The following ERBB4 variants were observed in gnomAD, a reference collection of about 807,000 sequenced individuals.
ERBB4 encodes the protein erb-b2 receptor tyrosine kinase 4.
A neutral mutation model predicts 158.0 loss-of-function variants in ERBB4; 42 were observed. The observed-to-expected ratio is 0.27, with a 90% confidence interval of 0.21 to 0.34. The LOEUF is 0.34. Among genes scored for constraint, ERBB4 ranks in the 10% least tolerant of loss-of-function variants. The probability of loss-of-function intolerance (pLI) is 1.00; values close to 1 mark genes in which losing one functional copy is unlikely to be tolerated. For missense variants in ERBB4, 1,333 were observed against 1,624.1 expected (o/e 0.82, Z 3.08); for synonymous variants, 583 against 558.7 (o/e 1.04, Z -0.61).
intron 2 of ERBB4, among the ~76,000 whole-genome samples, chr2:212,076,659 T>C (rs1057086186): frequency 2.6e-5 from 4 of 151,680 alleles, no homozygotes; most frequent in African/African-American, 7.3e-5. Flanking sequence ...TAGTTCACAG[T>C]TGGCAGGGTA....
intron 19 of ERBB4, among the ~76,000 whole-genome samples, chr2:211,578,499 A>G (rs1412976275): frequency 6.6e-6 from 1 of 152,228 alleles, no homozygotes; most frequent in Non-Finnish European, 1.5e-5. Context: ...TAGCCAAGAC[A>G]ATCCTAAGCA....
At chr2:211,922,433 T>C (rs1270228215) in intron 3 of ERBB4, among the ~76,000 whole-genome samples, 2 of 152,158 alleles carry the variant, frequency 1.3e-5, no homozygotes, top group South Asian at 2.1e-4. Flanking sequence ...AATTACATTA[T>C]AGTTTATCAA....
In ERBB4 at chr2:211,914,022, T is replaced by G. The variant is rs1333120911; in HGVS notation, c.421+33408A>C. Among the ~76,000 whole-genome samples, 4 of 134,978 alleles carry G rather than the reference T, an allele frequency of 3.0e-5. No homozygotes were observed. In the East Asian group the frequency reaches 8.5e-4, roughly 29 times the overall value. The allele number at this position is 134,978 out of a possible 152,430, so 88.6% of individuals were successfully genotyped here. On this transcript the variant is annotated intron_variant, in intron 3 of 27. Coordinates refer to ENST00000342788, the MANE Select transcript of ERBB4 (RefSeq NM_005235.3). ...AGGACAAGAAATAGAATTTGAGAGC[T>G]GAATGACACAAAAGGTCTTGGAATG... is the stretch of plus-strand genomic sequence containing the variant.
chr2:211,496,150 T>A (rs2065463439), intron 20 of ERBB4, among the ~76,000 whole-genome samples: 1 of 152,086 alleles, frequency 6.6e-6, no homozygotes, highest in African/African-American at 2.4e-5. Context: ...TATCTCTCTA[T>A]CATCCTAATT....
At chr2:212,454,919 C>T (rs1454473383) in intron 1 of ERBB4, among the ~76,000 whole-genome samples, 2 of 151,808 alleles carry the variant, frequency 1.3e-5, no homozygotes, top group South Asian at 2.1e-4. Flanking sequence ...GAGAAATGAC[C>T]GCCACCTCAC....
intron 2 of ERBB4, among the ~76,000 whole-genome samples, chr2:212,083,924 G>A (rs1231245758): frequency 1.9e-4 from 28 of 143,770 alleles, no homozygotes; most frequent in Non-Finnish European, 2.3e-4. Flanking sequence ...TTGTTCACAG[G>A]AAAAAAAAAA....
chr2:212,099,044 G>T (rs1250563915), intron 2 of ERBB4, among the ~76,000 whole-genome samples: 1 of 151,900 alleles, frequency 6.6e-6, no homozygotes, highest in Non-Finnish European at 1.5e-5. Context: ...AGTTTGGGAG[G>T]CTAAGGTGGG....
chr2:212,235,036 A>G lies in ERBB4; in HGVS notation c.83-110133T>C, dbSNP rs564113146. Among the ~76,000 whole-genome samples, 49 of 152,290 alleles carry G rather than the reference A, an allele frequency of 3.2e-4. No individual in the cohort carries two copies. The South Asian group carries it at 7.0e-3, about 22-fold the overall frequency. ...GCCATTGGTGTTTGTTGTTTTAGTC[A>G]TAAAGTCTTTACCCATGCCTATGTC... On this transcript the variant is annotated intron_variant, in intron 1 of 27. Transcript: ENST00000342788.
chr2:212,270,151 T>C (rs554567412), intron 1 of ERBB4, among the ~76,000 whole-genome samples: 2 of 151,910 alleles, frequency 1.3e-5, no homozygotes, highest in South Asian at 4.1e-4. Flanking sequence ...TAATATGCAA[T>C]ATACACTTAA....
rs1443343369 is a variant in ERBB4, at chr2:211,566,724, T to C, written c.2302-4636A>G. 2.0e-5 allele frequency among the ~76,000 whole-genome samples: 3 copies of C among 152,208 alleles called. No homozygotes were observed. In the East Asian group the frequency reaches 5.8e-4, roughly 29 times the overall value. On this transcript the variant is annotated intron_variant, in intron 19 of 27. Transcript: ENST00000342788. The stretch of plus-strand genomic sequence containing the variant: ...CACATACCGACAAATCAGCAAAACA[T>C]CTAATTAGATTAAATCATTAATTTA...
intron 3 of ERBB4, among the ~76,000 whole-genome samples, chr2:211,826,026 G>C (rs762560771): frequency 1.5e-4 from 23 of 151,150 alleles, no homozygotes; most frequent in Non-Finnish European, 3.1e-4. Context: ...AGCTTCCCTA[G>C]AATCAACCTA....
chr2:212,261,211 T>C (rs573458003), intron 1 of ERBB4, among the ~76,000 whole-genome samples: 2 of 152,354 alleles, frequency 1.3e-5, no homozygotes, highest in African/African-American at 4.8e-5. Context: ...ACCAAGATAC[T>C]GTTTGATTAT....
chr2:211,820,222 T>G (rs376094084), intron 3 of ERBB4, among the ~76,000 whole-genome samples: 5 of 151,906 alleles, frequency 3.3e-5, no homozygotes, highest in African/African-American at 1.2e-4. Context: ...TATGCTTGCT[T>G]AACAGCAGCA....
chr2:211,611,514 C>T (rs990112961), intron 19 of ERBB4, among the ~76,000 whole-genome samples: 32 of 147,534 alleles, frequency 2.2e-4, no homozygotes, highest in African/African-American at 8.2e-4. Flanking sequence ...ACACTTGCTG[C>T]TGTGGTTCAC....
intron 2 of ERBB4, among the ~76,000 whole-genome samples, chr2:212,012,373 C>G (rs1246830072): frequency 2.0e-5 from 3 of 150,304 alleles, no homozygotes; most frequent in Admixed American, 6.6e-5. Flanking sequence ...CTGGGCTGGT[C>G]ATTGTTTCTA....
At chr2:211,812,723 T>C (rs989053305) in intron 3 of ERBB4, among the ~76,000 whole-genome samples, 1 of 152,164 alleles carries the variant, frequency 6.6e-6, no homozygotes, top group Non-Finnish European at 1.5e-5. Context: ...AGTTGCTTTG[T>C]TGACCTACAC....
At position 211,714,379 on chromosome 2, in the gene ERBB4, C is replaced by T. The variant is rs533694717; in HGVS notation, c.884-731G>A. ...GTTTTAAAAGTAGCATCCTTCCATG[C>T]CTGGGAATATTGTTCTGGCACAATA... On this transcript the variant is annotated intron_variant, in intron 7 of 27. Coordinates refer to ENST00000342788, the MANE Select transcript of ERBB4 (RefSeq NM_005235.3). Among the ~76,000 whole-genome samples, 5 of 152,272 alleles carry T rather than the reference C, an allele frequency of 3.3e-5. No individual in the cohort carries two copies. The South Asian group carries it at 1.0e-3, about 32-fold the overall frequency.
intron 2 of ERBB4, among the ~76,000 whole-genome samples, chr2:211,985,558 G>T (rs1455061315): frequency 6.6e-6 from 1 of 151,992 alleles, no homozygotes; most frequent in Admixed American, 6.6e-5. Flanking sequence ...GTGAGTAGAA[G>T]AAATTATTAA....
At chr2:211,427,620 C>T (rs1266594572) in intron 22 of ERBB4, among the ~76,000 whole-genome samples, 1 of 152,068 alleles carries the variant, frequency 6.6e-6, no homozygotes, top group Non-Finnish European at 1.5e-5. Context: ...TTACCATGTT[C>T]ATTGCTCTAA....
Sources: allele counts gnomAD v4.1 joint callset (sites outside exome capture counted in the v4.1 genomes callset), GRCh38; gene constraint gnomAD v4.1.1; transcripts MANE v1.5; gene names NCBI Gene and HGNC (gene_info 2026-07-23, HGNC 2026-07-21).